Variants in FSD2 observed in about 807,000 individuals in gnomAD.
FSD2 encodes the protein fibronectin type III and SPRY domain containing 2, also known as fibronectin type III and SPRY domain-containing protein 2.
Under a neutral mutation model 80.4 loss-of-function variants are expected in FSD2, and 71 were observed. That is an observed-to-expected ratio of 0.88 (90% confidence interval 0.73 to 1.08). FSD2 has a LOEUF of 1.08. Ranked by LOEUF, FSD2 falls within the 50% of genes least tolerant of loss-of-function variation. The pLI, the probability that FSD2 is intolerant of heterozygous loss-of-function variation, is 0.00. For missense variants in FSD2, 923 were observed against 913.8 expected (o/e 1.01, Z -0.13); for synonymous variants, 361 against 329.5 (o/e 1.10, Z -1.03).
At chr15:82,805,139 A>C (rs546794783) in intron 1 of FSD2, among the ~76,000 whole-genome samples, 31 of 99,516 alleles carry the variant, frequency 3.1e-4, no homozygotes, top group African/African-American at 1.1e-3. Flanking sequence ...GTCCCCCAAT[A>C]ATTTTTTTTT....
Position 82,772,248 on chromosome 15 carries a change from A to C in FSD2, c.1112-20T>G, listed in dbSNP as rs773725276. Reference sequence around the variant, plus strand: ...AAGGAGCTAGGAAAAGAAAAGAAAAAAGAAGAGGAACCTCTAATAGAGGTG... The same window carrying C: ...AAGGAGCTAGGAAAAGAAAAGAAAACAGAAGAGGAACCTCTAATAGAGGTG... On this transcript the variant is annotated intron_variant, in intron 6 of 12. Transcript: ENST00000334574. The C allele has an allele frequency of 3.4e-5, 54 of 1,594,236 alleles. No homozygotes were observed. The Middle Eastern group carries it at 4.9e-4, about 15-fold the overall frequency.
chr15:82,791,920 C>T (rs1360651761), intron 1 of FSD2, among the ~76,000 whole-genome samples: 1 of 152,176 alleles, frequency 6.6e-6, no homozygotes, highest in Non-Finnish European at 1.5e-5. Context: ...TATTTCATTC[C>T]CTTTTTAGGA....
At chr15:82,789,426 C>T (rs897004940) in intron 1 of FSD2, among the ~76,000 whole-genome samples, 2 of 151,804 alleles carry the variant, frequency 1.3e-5, no homozygotes, top group African/African-American at 2.4e-5. Context: ...GAACACTTAT[C>T]GTATGCCTTT....
chr15:82,773,982 G>A (rs2049651426), intron 6 of FSD2, among the ~76,000 whole-genome samples: 1 of 152,208 alleles, frequency 6.6e-6, no homozygotes, highest in South Asian at 2.1e-4. Context: ...CCACAATCAT[G>A]TTGTTCAGTG....
chr15:82,802,257 A>G (rs906855925), intron 1 of FSD2, among the ~76,000 whole-genome samples: 2 of 152,130 alleles, frequency 1.3e-5, no homozygotes, highest in Non-Finnish European at 2.9e-5. Flanking sequence ...CCCTCCATAC[A>G]TACCAGACCC....
intron 5 of FSD2, among the ~76,000 whole-genome samples, chr15:82,779,552 G>A (rs1266039322): frequency 6.6e-6 from 1 of 151,896 alleles, no homozygotes; most frequent in Admixed American, 6.6e-5. Context: ...TGTAATCCCA[G>A]CTATTTGGGA....
In FSD2 at chr15:82,768,693, A is replaced by T. The variant is rs1352649924; in HGVS notation, c.1553+187T>A. Among the ~76,000 whole-genome samples the T allele has an allele frequency of 2.0e-5, 3 of 152,214 alleles. No homozygotes were observed. The East Asian group carries it at 5.8e-4, about 29-fold the overall frequency. On this transcript the variant is annotated intron_variant, in intron 9 of 12. Coordinates refer to ENST00000334574, the MANE Select transcript of FSD2 (RefSeq NM_001007122.4). ...AACCTGAGGTTCAACCAACTTATTC[A>T]TTCACTTGTCATTCACCTTCAGTAA...
At chr15:82,764,060 A>C (rs181264817) in intron 11 of FSD2, among the ~76,000 whole-genome samples, 129 of 152,310 alleles carry the variant, frequency 8.5e-4, no homozygotes, top group Non-Finnish European at 1.5e-3. Context: ...TGCAGGAGAG[A>C]GAGCACTGGG....
At chr15:82,781,760 A>G (rs2049860439) in intron 4 of FSD2, among the ~76,000 whole-genome samples, 2 of 151,986 alleles carry the variant, frequency 1.3e-5, no homozygotes, top group Non-Finnish European at 2.9e-5. Flanking sequence ...GTGGCTGGAA[A>G]ACTCTTAGAG....
In FSD2 at chr15:82,786,608, T is replaced by C. The variant is rs1054145484; in HGVS notation, c.640-2A>G. On this transcript the variant is annotated splice_acceptor_variant, in intron 2 of 12. Transcript: ENST00000334574. LOFTEE classifies it high-confidence loss of function. ...GTACATGTTTTTGTGAATTTCATCCTATCCAACAGAGGATCACAAAGAAGG... is the reference window on the plus strand; with the variant it reads ...GTACATGTTTTTGTGAATTTCATCCCATCCAACAGAGGATCACAAAGAAGG... 1.8e-5 allele frequency: 29 copies of C among 1,612,462 alleles called. No homozygotes were observed. Among genetic ancestry groups the C allele is most frequent in the Non-Finnish European group, 2.4e-5 (28 of 1,178,702 alleles).
Position 82,790,108 on chromosome 15 carries a change from G to A in FSD2, c.-78-2640C>T, listed in dbSNP as rs1412747878. Among the ~76,000 whole-genome samples, 12 of 152,250 alleles carry A rather than the reference G, an allele frequency of 7.9e-5. No homozygotes were observed. The East Asian group carries it at 1.7e-3, about 22-fold the overall frequency. On this transcript the variant is annotated intron_variant, in intron 1 of 12. Coordinates refer to ENST00000334574, the MANE Select transcript of FSD2 (RefSeq NM_001007122.4). ...GGAGAATTGCTTGAACCAGGGAGGC[G>A]GAGGTTGCAGTGAGCCATGACTATG...
intron 4 of FSD2, 38 bp downstream of exon 4, chr15:82,782,757 C>A: frequency 6.8e-7 from 1 of 1,480,356 alleles, no homozygotes; most frequent in South Asian, 1.2e-5. Flanking sequence ...CCATCTCTTT[C>A]CATTATGTTC....
At position 82,765,970 on chromosome 15, in the gene FSD2, T is replaced by C. The variant is rs1008150986; in HGVS notation, c.1615A>G (p.Ile539Val). The stretch of plus-strand genomic sequence containing the variant: ...ATATTGAGGGCTCGCACATAGATAA[T>C]GTAGCTCCGCCCCGGCTGCAGCTGC... ...VVQLQPGRSYIIYVRALNMGG... is the reference protein window; with the variant it reads ...VVQLQPGRSYVIYVRALNMGG... Residue 539 changes from isoleucine (I) to valine (V), a missense_variant, in exon 10 of 13, where the codon ATT becomes GTT. Physicochemically the swap from Ile to Val is conservative, Grantham distance 29. Coordinates refer to ENST00000334574, the MANE Select transcript of FSD2 (RefSeq NM_001007122.4). 1.6e-5 allele frequency: 26 copies of C among 1,603,512 alleles called. No individual in the cohort carries two copies. The highest frequency in any genetic ancestry group is 2.7e-5 in the African/African-American group (2 of 74,884).
chr15:82,803,466 C>T (rs2050460544), intron 1 of FSD2, among the ~76,000 whole-genome samples: 2 of 152,238 alleles, frequency 1.3e-5, no homozygotes, highest in South Asian at 2.1e-4. Flanking sequence ...CCTTCCCTAG[C>T]GGTAACCCTC....
At chr15:82,768,851 C>T (rs953307070) in intron 9 of FSD2, 29 bp downstream of exon 9, 7 of 1,456,008 alleles carry the variant, frequency 4.8e-6, no homozygotes, top group South Asian at 1.7e-5. Context: ...TCAGGGCTCT[C>T]GTGCCCAGCA....
chr15:82,796,480 G>A (rs1287545051), intron 1 of FSD2: 1 of 153,772 alleles, frequency 6.5e-6, no homozygotes, highest in South Asian at 2.1e-4. Flanking sequence ...GAGAACCAAC[G>A]GAAAGTGGTC....
At chr15:82,772,792 C>T (rs1453861155) in intron 6 of FSD2, among the ~76,000 whole-genome samples, 1 of 152,220 alleles carries the variant, frequency 6.6e-6, no homozygotes, top group South Asian at 2.1e-4. Flanking sequence ...CACCCCTATA[C>T]AGTCTCACAC....
rs1485709774 is a variant in FSD2 at position 82,778,885 on chromosome 15, A to AGTCTGT, written c.990-4_991dup (p.Arg330_Leu331insHisArg). ...TGTTTTTGTTTTCAGGAATTTCCCG[A>AGTCTGT]GTCTGTTGGTATAAAAAGACATGCT... On this transcript the variant is annotated inframe_insertion and splice_region_variant, in exon 6 of 13. Coordinates refer to ENST00000334574, the MANE Select transcript of FSD2 (RefSeq NM_001007122.4). 6.2e-7 allele frequency: 1 copy of AGTCTGT among 1,613,938 alleles called. No individual in the cohort carries two copies.
At chr15:82,794,882 G>A (rs970536958) in intron 1 of FSD2, among the ~76,000 whole-genome samples, 3 of 151,896 alleles carry the variant, frequency 2.0e-5, no homozygotes, top group African/African-American at 4.8e-5. Context: ...CCGCCACCAC[G>A]CCTGGCTAAT....
Sources: gnomAD v4.1 joint callset for allele counts (sites outside exome capture counted in the v4.1 genomes callset) on GRCh38, gnomAD v4.1.1 for gene constraint, MANE v1.5 for transcripts, NCBI Gene and HGNC (gene_info 2026-07-23, HGNC 2026-07-21) for gene names.